Variants in PALLD observed in about 807,000 individuals in gnomAD.
PALLD encodes palladin, cytoskeletal associated protein.
A neutral mutation model predicts 123.5 loss-of-function variants in PALLD; 61 were observed. The observed-to-expected ratio is 0.49, with a 90% CI of 0.40 to 0.61. The LOEUF (loss-of-function observed/expected upper bound fraction) is 0.61, where lower values mean the gene tolerates loss of function less well. PALLD is among the 20% of genes least tolerant of loss of function. The probability of loss-of-function intolerance (pLI) is 0.00; values close to 1 mark genes in which losing one functional copy is unlikely to be tolerated. For missense variants in PALLD, 1,273 were observed against 1,377.0 expected, an observed-to-expected ratio of 0.92 and a Z score of 1.20; for synonymous variants, 465 against 496.4, an observed-to-expected ratio of 0.94 and a Z score of 0.84.
chr4:168,914,313 A>T (rs905877502), intron 16 of PALLD, among the ~76,000 whole-genome samples: 2 of 152,246 alleles, frequency 1.3e-5, no homozygotes, highest in African/African-American at 4.8e-5. Context: ...TTTAAATGGC[A>T]TATGAAAATA....
intron 10 of PALLD, among the ~76,000 whole-genome samples, chr4:168,730,863 C>T (rs189126434): frequency 4.5e-4 from 69 of 152,270 alleles, no homozygotes; most frequent in African/African-American, 1.6e-3. Context: ...TCACCCTCTT[C>T]TCTTACCTGT....
chr4:168,626,738 T>C (rs912062533), intron 2 of PALLD, among the ~76,000 whole-genome samples: 1 of 142,014 alleles, frequency 7.0e-6, no homozygotes, highest in African/African-American at 2.6e-5. Flanking sequence ...AAAAAGTAAA[T>C]GTGGTATAGA....
In PALLD at chr4:168,896,476, G is replaced by A. The variant is rs1755199039; in HGVS notation, c.2200-73G>A. ...TGCTAGCACAAAAGTTTCACTTAAG[G>A]AAAATTAGAAATCTTGCTGCATTCT... On this transcript the variant is annotated intron_variant, in intron 12 of 21. Coordinates refer to ENST00000505667, the MANE Select transcript of PALLD (RefSeq NM_001166108.2). 11 of 927,670 alleles carry A rather than the reference G, an allele frequency of 1.2e-5. 1 individual carries two copies. The South Asian group carries it at 1.3e-4, about 11-fold the overall frequency. 57.5% of individuals were successfully genotyped at this position (927,670 alleles called of 1,614,324 possible).
At chr4:168,847,211 T>C (rs1456409439) in intron 10 of PALLD, among the ~76,000 whole-genome samples, 1 of 152,234 alleles carries the variant, frequency 6.6e-6, no homozygotes, top group Admixed American at 6.5e-5. Context: ...TTTCTAGACA[T>C]GTTTGCCACA....
At chr4:168,613,264 C>A (rs907004751) in intron 2 of PALLD, among the ~76,000 whole-genome samples, 21 of 152,174 alleles carry the variant, frequency 1.4e-4, no homozygotes, top group Non-Finnish European at 4.4e-5. Context: ...CAGGACAAAC[C>A]CAAATGAATT....
chr4:168,874,771 C>T (rs910140968), intron 10 of PALLD, among the ~76,000 whole-genome samples: 2 of 152,044 alleles, frequency 1.3e-5, no homozygotes, highest in African/African-American at 4.8e-5. Flanking sequence ...TGCTCTGTGG[C>T]CTTGAGTGTT....
chr4:168,503,866 T>C (rs1027658250), intron 1 of PALLD, among the ~76,000 whole-genome samples: 28 of 152,130 alleles, frequency 1.8e-4, no homozygotes. Context: ...AACCTGCACA[T>C]CGTGCTTTGG....
rs70961550 is a variant in PALLD at position 168,685,810 on chromosome 4, G to GAAAAAAAAA, written c.1335+268_1335+276dup. Reference sequence around the variant, plus strand: ...TCTAGTGGGAAAGCCAAGACAGATAGAAAAAAAAAAAAAAAAAAAAAAAAA... The same window carrying GAAAAAAAAA: ...TCTAGTGGGAAAGCCAAGACAGATAGAAAAAAAAAAAAAAAAAAAAAAAAAAAAAAAAAA... On this transcript the variant is annotated intron_variant, in intron 6 of 21. Coordinates refer to ENST00000505667, the MANE Select transcript of PALLD (RefSeq NM_001166108.2). Among the ~76,000 whole-genome samples, 26 of 65,614 alleles carry GAAAAAAAAA rather than the reference G, an allele frequency of 4.0e-4. 1 individual carries two copies. The highest frequency in any genetic ancestry group is 5.1e-4 in the Non-Finnish European group (18 of 35,530). The allele number at this position is 65,614 out of a possible 152,430, so 43.0% of individuals were successfully genotyped here.
At chr4:168,503,910 A>C (rs1428222163) in intron 1 of PALLD, among the ~76,000 whole-genome samples, 1 of 152,144 alleles carries the variant, frequency 6.6e-6, no homozygotes, top group Non-Finnish European at 1.5e-5. Context: ...CATCATAGGA[A>C]AAAAATAAAA....
chr4:168,781,081 A>G (rs13110398), intron 10 of PALLD, among the ~76,000 whole-genome samples: 80,250 of 151,994 alleles, frequency 0.53, 22,197 homozygotes, highest in Non-Finnish European at 0.63. Flanking sequence ...TACTTCCCTG[A>G]AAAAAAGAGC....
chr4:168,838,636 C>A (rs575296538), intron 10 of PALLD, among the ~76,000 whole-genome samples: 2 of 138,446 alleles, frequency 1.4e-5, no homozygotes, highest in Admixed American at 7.3e-5. Flanking sequence ...CTCTAGTTCA[C>A]TTCTTGAGGA....
chr4:168,874,682 T>A lies in PALLD; in HGVS notation c.1965-16240T>A, dbSNP rs542783458. Among the ~76,000 whole-genome samples the A allele has an allele frequency of 4.0e-5, 6 of 151,510 alleles. No homozygotes were observed. The East Asian group carries it at 1.2e-3, about 29-fold the overall frequency. ...TTTTAAGTCACATTGAAGGTCAGGG[T>A]CCTTTTATGTGTTACATGCCTGAAG... is the stretch of plus-strand genomic sequence containing the variant. On this transcript the variant is annotated intron_variant, in intron 10 of 21. Transcript: ENST00000505667.
chr4:168,763,118 C>G (rs576896346), intron 10 of PALLD, among the ~76,000 whole-genome samples: 1 of 152,214 alleles, frequency 6.6e-6, no homozygotes, highest in African/African-American at 2.4e-5. Flanking sequence ...ACATGTATAC[C>G]TATGTAACAA....
intron 2 of PALLD, among the ~76,000 whole-genome samples, chr4:168,573,365 T>G (rs1464258949): frequency 6.6e-6 from 1 of 152,062 alleles, no homozygotes; most frequent in African/African-American, 2.4e-5. Flanking sequence ...ATTTACCTGC[T>G]TATGTGTTGA....
intron 10 of PALLD, among the ~76,000 whole-genome samples, chr4:168,806,192 G>A (rs574157896): frequency 3.3e-5 from 5 of 152,308 alleles, no homozygotes; most frequent in African/African-American, 1.2e-4. Context: ...AGCCTCTCAA[G>A]TAGCTGGGAT....
intron 10 of PALLD, among the ~76,000 whole-genome samples, chr4:168,730,491 G>C (rs1247838766): frequency 6.6e-6 from 1 of 151,382 alleles, no homozygotes; most frequent in Non-Finnish European, 1.5e-5. Context: ...TTTTTTTGTT[G>C]TTGTTTTTCT....
chr4:168,633,081 A>G (rs1775994626), intron 2 of PALLD, among the ~76,000 whole-genome samples: 1 of 152,234 alleles, frequency 6.6e-6, no homozygotes, highest in Non-Finnish European at 1.5e-5. Flanking sequence ...TAGTAGGTTA[A>G]GTTGAATTCC....
At chr4:168,899,626 G>T (rs538787084) in intron 14 of PALLD, among the ~76,000 whole-genome samples, 9 of 152,130 alleles carry the variant, frequency 5.9e-5, no homozygotes, top group Non-Finnish European at 1.3e-4. Flanking sequence ...AAAGAAAATA[G>T]GTTTTATTGG....
intron 16 of PALLD, 72 bp from the exon 17 acceptor site, chr4:168,915,823 A>AAC: frequency 1.7e-6 from 2 of 1,206,672 alleles, no homozygotes; most frequent in East Asian, 4.7e-5. Context: ...ATTTTAAGAA[A>AAC]ACAGATGACT....
Sources: allele counts gnomAD v4.1 joint callset (sites outside exome capture counted in the v4.1 genomes callset), GRCh38; gene constraint gnomAD v4.1.1; transcripts MANE v1.5; gene names NCBI Gene and HGNC (gene_info 2026-07-23, HGNC 2026-07-21).